ZNF704: variants seen among roughly 807,000 people sequenced by gnomAD.
The protein encoded by ZNF704 is glucocorticoid induced gene 1.
A neutral mutation model predicts 44.7 loss-of-function variants in ZNF704; 10 were observed. The ratio of observed to expected loss-of-function variants is 0.22; its 90% CI spans 0.14 to 0.38. ZNF704 has a LOEUF of 0.38. ZNF704 is among the 10% of genes least tolerant of loss of function. The pLI is 1.00. For synonymous variants in ZNF704, 211 were observed against 207.6 expected, an observed-to-expected ratio of 1.02 and a Z score of -0.14; for missense variants, 390 against 545.5, an observed-to-expected ratio of 0.71 and a Z score of 2.84.
intron 1 of ZNF704, among the ~76,000 whole-genome samples, chr8:80,850,279 T>C (rs907510159): frequency 6.6e-6 from 1 of 152,028 alleles, no homozygotes. Flanking sequence ...TAACTGTTCA[T>C]TTTTTTTCAG....
intron 2 of ZNF704, among the ~76,000 whole-genome samples, chr8:80,770,888 A>G (rs1057365584): frequency 2.0e-5 from 3 of 152,230 alleles, no homozygotes; most frequent in African/African-American, 7.2e-5. Flanking sequence ...TGAGACTTAG[A>G]TCAGGGTTTT....
intron 2 of ZNF704, among the ~76,000 whole-genome samples, chr8:80,724,883 T>G (rs1323036706): frequency 1.3e-5 from 2 of 152,178 alleles, no homozygotes; most frequent in Non-Finnish European, 2.9e-5. Flanking sequence ...TCAAGCAGTC[T>G]CTTCAGAAGT....
chr8:80,783,321 T>C (rs1253500634), intron 2 of ZNF704, among the ~76,000 whole-genome samples: 1 of 152,196 alleles, frequency 6.6e-6, no homozygotes, highest in Admixed American at 6.5e-5. Flanking sequence ...TCCATTCTTT[T>C]TATTTTTCCC....
intron 3 of ZNF704, 53 bp downstream of exon 3, chr8:80,692,951 C>A: frequency 3.3e-6 from 5 of 1,498,844 alleles, no homozygotes; most frequent in Non-Finnish European, 3.7e-6. Flanking sequence ...CAAAGAAAGG[C>A]CCTGCTCTTG....
chr8:80,653,822 C>T (rs867977745), intron 7 of ZNF704, among the ~76,000 whole-genome samples: 4 of 151,956 alleles, frequency 2.6e-5, no homozygotes, highest in Admixed American at 6.6e-5. Context: ...ACTTTCTTCA[C>T]GAATCGGAAA....
chr8:80,826,426 G>A (rs1299913560), intron 1 of ZNF704, among the ~76,000 whole-genome samples: 5 of 151,810 alleles, frequency 3.3e-5, no homozygotes, highest in East Asian at 1.9e-4. Flanking sequence ...TGAAATTGAC[G>A]CAATAATAGC....
At chr8:80,850,899 C>T (rs1289132346) in intron 1 of ZNF704, among the ~76,000 whole-genome samples, 1 of 152,166 alleles carries the variant, frequency 6.6e-6, no homozygotes. Context: ...GATTCCTGAC[C>T]ATCCTAGCCA....
chr8:80,662,092 A>T (rs1410955032), intron 6 of ZNF704, among the ~76,000 whole-genome samples: 1 of 152,190 alleles, frequency 6.6e-6, no homozygotes, highest in Non-Finnish European at 1.5e-5. Flanking sequence ...CAATTTTTAA[A>T]ATACTGTTGT....
intron 1 of ZNF704, among the ~76,000 whole-genome samples, chr8:80,867,699 G>C (rs550263842): frequency 7.9e-5 from 12 of 152,162 alleles, no homozygotes; most frequent in Non-Finnish European, 5.9e-5. Context: ...TAGCAAATTG[G>C]AATTCAGTGT....
At position 80,787,979 on chromosome 8, in the gene ZNF704, C is replaced by T. The variant is rs548178312; in HGVS notation, c.221+33395G>A. On this transcript the variant is annotated intron_variant, in intron 2 of 8. Transcript: ENST00000327835. ...GTAGCCATTATGATTTAGCCGGTTC[C>T]TACTTTCCCATATTAGCAGGATTTC... Among the ~76,000 whole-genome samples, 10 of 152,250 alleles carry T rather than the reference C, an allele frequency of 6.6e-5. No homozygotes were observed. The South Asian group carries it at 1.9e-3, about 28-fold the overall frequency.
intron 3 of ZNF704, among the ~76,000 whole-genome samples, chr8:80,691,981 C>A (rs758309863): frequency 9.9e-5 from 15 of 152,130 alleles, no homozygotes; most frequent in Non-Finnish European, 2.1e-4. Flanking sequence ...TCACATTTCT[C>A]GATTATGTCG....
intron 2 of ZNF704, among the ~76,000 whole-genome samples, chr8:80,739,348 C>G (rs1254920714): frequency 6.6e-6 from 1 of 152,134 alleles, no homozygotes; most frequent in East Asian, 1.9e-4. Context: ...TGACAGCTAA[C>G]TTATGGAGAG....
At chr8:80,658,823 G>A (rs1225571324) in intron 7 of ZNF704, 1 of 152,226 alleles carries the variant, frequency 6.6e-6, no homozygotes, top group Non-Finnish European at 1.5e-5. Context: ...AGAAGCTTTT[G>A]TGAGGTCCTT....
At chr8:80,690,995 C>T (rs1045616575) in intron 3 of ZNF704, among the ~76,000 whole-genome samples, 3 of 149,578 alleles carry the variant, frequency 2.0e-5, no homozygotes, top group Admixed American at 1.3e-4. Context: ...GGTGACAGAG[C>T]GAGACTCCAT....
rs148633042 is a variant in ZNF704, at chr8:80,802,949, A to G, written c.221+18425T>C. On this transcript the variant is annotated intron_variant, in intron 2 of 8. Coordinates refer to ENST00000327835, the MANE Select transcript of ZNF704 (RefSeq NM_001033723.3). ...TATATCTAGAAAATCCCATCGTCTC[A>G]GCCCAAAAGCTTCTCAAGCCAATAA... 9.0e-3 allele frequency among the ~76,000 whole-genome samples: 1,376 copies of G among 152,306 alleles called. 25 individuals carry two copies. Among genetic ancestry groups the G allele is most frequent in the African/African-American group, 0.032 (1,326 of 41,580 alleles).
chr8:80,686,169 G>C (rs1224339730), intron 4 of ZNF704, among the ~76,000 whole-genome samples: 1 of 152,156 alleles, frequency 6.6e-6, no homozygotes, highest in East Asian at 1.9e-4. Context: ...TTGAGGCTCA[G>C]GCAGATCTGG....
chr8:80,753,063 A>T (rs1806975213), intron 2 of ZNF704, among the ~76,000 whole-genome samples: 1 of 152,198 alleles, frequency 6.6e-6, no homozygotes, highest in African/African-American at 2.4e-5. Context: ...TTTTATAAAC[A>T]ATCTGTGTTT....
chr8:80,712,804 C>T (rs7000063), intron 2 of ZNF704, among the ~76,000 whole-genome samples: 1 of 150,748 alleles, frequency 6.6e-6, no homozygotes. Flanking sequence ...TGTCAAAAAA[C>T]AGAAAAAAAA....
chr8:80,824,831 A>G (rs1004096392), intron 1 of ZNF704, among the ~76,000 whole-genome samples: 4 of 152,234 alleles, frequency 2.6e-5, no homozygotes, highest in African/African-American at 9.7e-5. Context: ...ACTAAGCTTC[A>G]TAAGTGAAGG....
Sources: allele counts gnomAD v4.1 joint callset (sites outside exome capture counted in the v4.1 genomes callset), GRCh38; gene constraint gnomAD v4.1.1; transcripts MANE v1.5; gene names NCBI Gene and HGNC (gene_info 2026-07-23, HGNC 2026-07-21).